The following LRIG1 variants were observed in gnomAD, a reference collection of about 807,000 sequenced individuals.
The protein encoded by LRIG1 is leucine rich repeats and immunoglobulin like domains 1.
LRIG1 carries 48 observed loss-of-function variants against 99.2 expected under a neutral mutation model. The ratio of observed to expected loss-of-function variants is 0.48; its 90% CI spans 0.38 to 0.62. LRIG1 has a LOEUF of 0.62. Among genes scored for constraint, LRIG1 ranks in the 20% least tolerant of loss-of-function variants. The pLI, the probability that LRIG1 is intolerant of heterozygous loss-of-function variation, is 0.00. For synonymous variants in LRIG1, 772 were observed against 596.1 expected (o/e 1.29, Z -4.30); for missense variants, 1,646 against 1,434.4 (o/e 1.15, Z -2.38).
chr3:66,501,105 G>T (rs9835704), upstream of LRIG1: 1 of 135,632 alleles, frequency 7.4e-6, no homozygotes, highest in African/African-American at 3.1e-5. Flanking sequence ...CCTAGGCTCC[G>T]CGCTCCGCGG....
chr3:66,463,782 TTTAAAC>T (rs372116743), intron 1 of LRIG1, among the ~76,000 whole-genome samples: 49 of 152,352 alleles, frequency 3.2e-4, no homozygotes, highest in African/African-American at 1.1e-3. Flanking sequence ...GCAACAATCT[TTTAAAC>T]TTACTCCAGA....
chr3:66,417,276 A>G lies in LRIG1; in HGVS notation c.366-10T>C. 6.2e-7 allele frequency: 1 copy of G among 1,610,144 alleles called. No individual in the cohort carries two copies. The highest frequency in any genetic ancestry group is 8.5e-7 in the Non-Finnish European group (1 of 1,176,886). ...AATCTTGTTGTGCTGCCTGAAACAC[A>G]ACAAGGGAGGTGACTTGAGCATCTC... On this transcript the variant is annotated splice_polypyrimidine_tract_variant and intron_variant, in intron 3 of 18. Transcript: ENST00000273261.
chr3:66,467,425 T>C (rs1168473090), intron 1 of LRIG1, among the ~76,000 whole-genome samples: 1 of 148,224 alleles, frequency 6.7e-6, no homozygotes, highest in Non-Finnish European at 1.5e-5. Context: ...CAGCGGTGCA[T>C]CTCCGCTCAC....
intron 11 of LRIG1, among the ~76,000 whole-genome samples, chr3:66,397,449 A>G (rs1008583033): frequency 9.4e-5 from 1 of 10,598 alleles, no homozygotes; most frequent in South Asian, 2.0e-3. Context: ...ATGTCTAGCT[A>G]AAAAAAAAAA....
At chr3:66,399,156 G>T in intron 9 of LRIG1, 115 bp from the exon 10 acceptor site, 1 of 840,934 alleles carries the variant, frequency 1.2e-6, no homozygotes, top group Non-Finnish European at 2.0e-6. Context: ...TACCTGATAA[G>T]TCTGTCCAGT....
At chr3:66,409,011 G>T (rs765557141) in intron 7 of LRIG1, among the ~76,000 whole-genome samples, 1 of 148,486 alleles carries the variant, frequency 6.7e-6, no homozygotes, top group African/African-American at 2.5e-5. Context: ...GGAGAGAGAG[G>T]AGAACACAGA....
chr3:66,436,808 A>G (rs1703376147), intron 3 of LRIG1, among the ~76,000 whole-genome samples: 1 of 151,160 alleles, frequency 6.6e-6, no homozygotes, highest in African/African-American at 2.5e-5. Flanking sequence ...AGCACCTCTC[A>G]TGCTCCCAAA....
At chr3:66,463,856 C>T (rs910191494) in intron 1 of LRIG1, among the ~76,000 whole-genome samples, 2 of 152,164 alleles carry the variant, frequency 1.3e-5, no homozygotes, top group African/African-American at 4.8e-5. Context: ...AGCTCAGAGA[C>T]GTTCATCTAA....
intron 12 of LRIG1, chr3:66,386,686 G>C (rs752261925): frequency 2.3e-5 from 4 of 171,868 alleles, no homozygotes; most frequent in Non-Finnish European, 5.0e-5. Flanking sequence ...ACTCCAAAAG[G>C]AGGGGGTGTA....
chr3:66,426,189 A>C (rs566692689), intron 3 of LRIG1, among the ~76,000 whole-genome samples: 2 of 152,336 alleles, frequency 1.3e-5, no homozygotes, highest in South Asian at 2.1e-4. Context: ...CTTATTCTAC[A>C]TTGGGCCAGA....
chr3:66,475,597 A>C (rs1186452515), intron 1 of LRIG1, among the ~76,000 whole-genome samples: 9 of 152,214 alleles, frequency 5.9e-5, no homozygotes, highest in Non-Finnish European at 1.5e-5. Flanking sequence ...GACTCTGCGA[A>C]ACTGTGCTGA....
intron 1 of LRIG1, among the ~76,000 whole-genome samples, chr3:66,474,258 C>A (rs1313381161): frequency 1.3e-5 from 2 of 152,028 alleles, no homozygotes; most frequent in African/African-American, 4.8e-5. Flanking sequence ...ATGACTAGGC[C>A]ACAACACACT....
At chr3:66,414,428 A>G (rs1457375683) in intron 5 of LRIG1, among the ~76,000 whole-genome samples, 1 of 151,766 alleles carries the variant, frequency 6.6e-6, no homozygotes, top group Admixed American at 6.6e-5. Flanking sequence ...AAATAATAAT[A>G]ATAATAAATC....
At chr3:66,463,267 T>C (rs1442225683) in intron 1 of LRIG1, among the ~76,000 whole-genome samples, 2 of 152,164 alleles carry the variant, frequency 1.3e-5, no homozygotes, top group African/African-American at 2.4e-5. Flanking sequence ...AGATCCTGAA[T>C]CATAAGGCTA....
chr3:66,497,127 T>A (rs568264100), intron 1 of LRIG1, among the ~76,000 whole-genome samples: 1 of 152,346 alleles, frequency 6.6e-6, no homozygotes, highest in East Asian at 1.9e-4. Context: ...TGCTTTAGAA[T>A]GCTCTGTCAT....
intron 1 of LRIG1, among the ~76,000 whole-genome samples, chr3:66,470,526 G>C (rs943927507): frequency 6.6e-6 from 1 of 152,250 alleles, no homozygotes; most frequent in East Asian, 1.9e-4. Flanking sequence ...GACACAAATG[G>C]TTTTACAGCA....
intron 2 of LRIG1, among the ~76,000 whole-genome samples, chr3:66,460,074 C>T (rs574476010): frequency 1.2e-4 from 18 of 152,046 alleles, no homozygotes; most frequent in South Asian, 4.2e-4. Context: ...ATAAATTTTG[C>T]GCCTGTGTTG....
At chr3:66,464,277 G>A (rs1451237108) in intron 1 of LRIG1, among the ~76,000 whole-genome samples, 1 of 152,130 alleles carries the variant, frequency 6.6e-6, no homozygotes, top group African/African-American at 2.4e-5. Context: ...GGATATTAGA[G>A]AAATACTCAG....
intron 3 of LRIG1, among the ~76,000 whole-genome samples, chr3:66,425,668 C>T (rs1437828453): frequency 1.3e-5 from 2 of 152,174 alleles, no homozygotes. Flanking sequence ...TTCTCTGCAA[C>T]CAGACAAAAC....
Sources: allele counts gnomAD v4.1 joint callset (sites outside exome capture counted in the v4.1 genomes callset), GRCh38; gene constraint gnomAD v4.1.1; transcripts MANE v1.5; gene names NCBI Gene and HGNC (gene_info 2026-07-23, HGNC 2026-07-21).